Variants in GRM1 observed in about 807,000 individuals in gnomAD.
GRM1 encodes the protein metabotropic glutamate receptor 1.
Under a neutral mutation model 90.9 loss-of-function variants are expected in GRM1, and 33 were observed. That is an observed-to-expected ratio of 0.36 (90% confidence interval 0.28 to 0.49). The LOEUF (loss-of-function observed/expected upper bound fraction) is 0.49, where lower values mean the gene tolerates loss of function less well. Ranked by LOEUF, GRM1 falls within the 20% of genes least tolerant of loss-of-function variation. The pLI is 0.99. For missense variants in GRM1, 1,190 were observed against 1,534.3 expected (o/e 0.78, Z 3.75); for synonymous variants, 700 against 613.2 (o/e 1.14, Z -2.09).
chr6:146,183,604 C>T (rs774048587), intron 2 of GRM1, among the ~76,000 whole-genome samples: 3 of 152,092 alleles, frequency 2.0e-5, no homozygotes, highest in East Asian at 1.9e-4. Context: ...TATAAAAAGA[C>T]GGCCAGAATA....
chr6:146,065,425 ACTT>A (rs1775812883), intron 1 of GRM1, among the ~76,000 whole-genome samples: 1 of 152,174 alleles, frequency 6.6e-6, no homozygotes, highest in Non-Finnish European at 1.5e-5. Context: ...AAGTTCTTGA[ACTT>A]CTCTGTGCTT....
At chr6:146,315,519 G>A (rs999338292) in intron 3 of GRM1, among the ~76,000 whole-genome samples, 1 of 152,140 alleles carries the variant, frequency 6.6e-6, no homozygotes, top group Non-Finnish European at 1.5e-5. Context: ...TTAAGCCTTT[G>A]AATGATGTAA....
chr6:146,355,442 A>G (rs886746662), intron 4 of GRM1, among the ~76,000 whole-genome samples: 6 of 152,226 alleles, frequency 3.9e-5, no homozygotes, highest in African/African-American at 1.2e-4. Context: ...CTCTGGGTGT[A>G]CCATTCTCTC....
chr6:146,089,784 C>T (rs1776656735), intron 1 of GRM1, among the ~76,000 whole-genome samples: 1 of 151,770 alleles, frequency 6.6e-6, no homozygotes, highest in African/African-American at 2.4e-5. Flanking sequence ...AGCAATGGGC[C>T]CTAATAGAGG....
intron 2 of GRM1, among the ~76,000 whole-genome samples, chr6:146,294,792 T>C (rs1442716337): frequency 6.6e-6 from 1 of 152,210 alleles, no homozygotes; most frequent in Non-Finnish European, 1.5e-5. Flanking sequence ...TCTTTATTCC[T>C]AATAAAGATT....
chr6:146,436,531 T>C lies in GRM1; in HGVS notation c.*1735T>C, dbSNP rs1416050667. ...CTCAGCTAATAATTTGTAAAATCTT[T>C]ATCAATCACATTTTGCCTTCTTTTA... is the stretch of plus-strand genomic sequence containing the variant. On this transcript the variant is annotated 3_prime_UTR_variant, in exon 8 of 8. Transcript: ENST00000282753. 2.0e-5 allele frequency: 3 copies of C among 152,220 alleles called. No individual in the cohort carries two copies. Among genetic ancestry groups the C allele is most frequent in the Admixed American group, 1.3e-4 (2 of 15,288 alleles). The allele number at this position is 152,220 out of a possible 1,614,324, so 9.4% of individuals were successfully genotyped here.
rs1161815335 is a variant in GRM1 at position 146,057,310 on chromosome 6, T to C, written c.700+27093T>C. Among the ~76,000 whole-genome samples the C allele has an allele frequency of 2.0e-5, 3 of 152,130 alleles. No individual in the cohort carries two copies. The East Asian group carries it at 5.8e-4, about 29-fold the overall frequency. On this transcript the variant is annotated intron_variant, in intron 1 of 7. Coordinates refer to ENST00000282753, the MANE Select transcript of GRM1 (RefSeq NM_001278064.2). ...ATGCTTCAAATACGATAAATGCCTC[T>C]ACACAACATCTTGTATCATAAATTG...
chr6:146,249,822 A>G (rs1249844312), intron 2 of GRM1, among the ~76,000 whole-genome samples: 3 of 152,166 alleles, frequency 2.0e-5, no homozygotes, highest in Non-Finnish European at 4.4e-5. Flanking sequence ...ATGCCAGCCC[A>G]TGAAAGCAGC....
At chr6:146,328,251 C>T (rs1189876789) in intron 3 of GRM1, among the ~76,000 whole-genome samples, 1 of 152,128 alleles carries the variant, frequency 6.6e-6, no homozygotes, top group East Asian at 1.9e-4. Context: ...TAAACCATCT[C>T]TGCAATTAAA....
intron 5 of GRM1, among the ~76,000 whole-genome samples, chr6:146,386,423 C>A (rs957217283): frequency 2.6e-5 from 4 of 151,968 alleles, no homozygotes. Flanking sequence ...GTGAAATTGT[C>A]TAATAATTCA....
chr6:146,326,611 G>T (rs1250773032), intron 3 of GRM1, among the ~76,000 whole-genome samples: 1 of 151,898 alleles, frequency 6.6e-6, no homozygotes, highest in Admixed American at 6.6e-5. Flanking sequence ...AAATAAAAGT[G>T]ATATGAATAA....
intron 2 of GRM1, among the ~76,000 whole-genome samples, chr6:146,225,612 G>C (rs866089208): frequency 6.6e-6 from 1 of 152,110 alleles, no homozygotes; most frequent in Non-Finnish European, 1.5e-5. Flanking sequence ...CTCAGGTATA[G>C]TAGCCATTAA....
intron 7 of GRM1, among the ~76,000 whole-genome samples, chr6:146,432,024 C>A (rs933474815): frequency 6.6e-6 from 1 of 152,272 alleles, no homozygotes; most frequent in Admixed American, 6.5e-5. Context: ...ACACCACTGA[C>A]CTGTTCTTTA....
intron 1 of GRM1, among the ~76,000 whole-genome samples, chr6:146,112,315 G>A (rs1181075796): frequency 6.6e-6 from 1 of 150,652 alleles, no homozygotes. Flanking sequence ...TATAAGGAAT[G>A]AAGAATTTAC....
chr6:146,201,921 T>C (rs1779311112), intron 2 of GRM1, among the ~76,000 whole-genome samples: 1 of 152,210 alleles, frequency 6.6e-6, no homozygotes, highest in Non-Finnish European at 1.5e-5. Context: ...AATGCTGCCA[T>C]GTGGGCATTC....
intron 1 of GRM1, among the ~76,000 whole-genome samples, chr6:146,037,387 A>G (rs527307798): frequency 6.6e-6 from 1 of 152,168 alleles, no homozygotes; most frequent in South Asian, 2.1e-4. Context: ...AGAAAAATAA[A>G]ACAAAATGAC....
At chr6:146,388,125 T>A (rs2114533821) in intron 6 of GRM1, among the ~76,000 whole-genome samples, 1 of 152,242 alleles carries the variant, frequency 6.6e-6, no homozygotes, top group South Asian at 2.1e-4. Flanking sequence ...AAATGATTCA[T>A]AAAACTTTGC....
At chr6:146,370,203 T>G (rs1775847138) in intron 5 of GRM1, among the ~76,000 whole-genome samples, 1 of 152,094 alleles carries the variant, frequency 6.6e-6, no homozygotes, top group African/African-American at 2.4e-5. Flanking sequence ...AAGACTTGCA[T>G]ATAACTGAAG....
intron 5 of GRM1, among the ~76,000 whole-genome samples, chr6:146,380,814 A>G (rs1776293315): frequency 1.3e-5 from 2 of 152,242 alleles, no homozygotes; most frequent in South Asian, 2.1e-4. Context: ...ACAGGGCCCA[A>G]GGGCATTTCA....
Sources: gnomAD v4.1 joint callset for allele counts (sites outside exome capture counted in the v4.1 genomes callset) on GRCh38, gnomAD v4.1.1 for gene constraint, MANE v1.5 for transcripts, NCBI Gene and HGNC (gene_info 2026-07-23, HGNC 2026-07-21) for gene names.